The following IL12RB1 variants were observed in gnomAD, a reference collection of about 807,000 sequenced individuals.
IL12RB1 encodes interleukin-12 receptor subunit beta-1.
In IL12RB1, 64 loss-of-function variants were observed where a neutral mutation model predicts 94.4. That is an observed-to-expected ratio of 0.68 (90% CI 0.55 to 0.83). IL12RB1 has a LOEUF of 0.83. Ranked by LOEUF, IL12RB1 falls within the 40% of genes least tolerant of loss-of-function variation. The pLI is 0.00. For synonymous variants in IL12RB1, 362 were observed against 355.5 expected (o/e 1.02, Z -0.21); for missense variants, 814 against 855.6 (o/e 0.95, Z 0.61).
rs568557848 is a variant in IL12RB1, at chr19:18,098,197, T to TGAGTTCATATGTATTAATAC, written c.-230+538_-230+557dup. 1.3e-4 allele frequency among the ~76,000 whole-genome samples: 20 copies of TGAGTTCATATGTATTAATAC among 152,278 alleles called. No individual in the cohort carries two copies. The East Asian group carries it at 1.9e-3, about 15-fold the overall frequency. On this transcript the variant is annotated intron_variant, in intron 1 of 4. Transcript: ENST00000594176. ...TCCTATTACTAGCGATGTATTAATATGAGTTCATATGTATTAATACCTCCT... is the reference window on the plus strand; with the variant it reads ...TCCTATTACTAGCGATGTATTAATATGAGTTCATATGTATTAATACGAGTTCATATGTATTAATACCTCCT...
chr19:18,069,508 C>A, intron 10 of IL12RB1, 38 bp downstream of exon 10: 2 of 1,558,966 alleles, frequency 1.3e-6, no homozygotes, highest in Non-Finnish European at 1.7e-6. Context: ...AGGGAGGGCA[C>A]AGAGGAGGGG....
chr19:18,095,065 G>A (rs1479712616), intron 1 of IL12RB1, among the ~76,000 whole-genome samples: 21 of 151,904 alleles, frequency 1.4e-4, no homozygotes. Flanking sequence ...TGTAATCCCA[G>A]CTACTCAGGA....
At chr19:18,064,047 C>A in intron 12 of IL12RB1, 37 bp from the exon 13 acceptor site, 1 of 1,558,988 alleles carries the variant, frequency 6.4e-7, no homozygotes, top group Middle Eastern at 1.8e-4. Context: ...CCTGGGACCT[C>A]TTTACTCCTC....
At chr19:18,076,591 A>G (rs1241430164) in intron 5 of IL12RB1, among the ~76,000 whole-genome samples, 1 of 152,008 alleles carries the variant, frequency 6.6e-6, no homozygotes, top group African/African-American at 2.4e-5. Flanking sequence ...TTTGGTAGAG[A>G]CGGGATTTCA....
At chr19:18,066,037 A>G (rs2034554973) in intron 12 of IL12RB1, among the ~76,000 whole-genome samples, 1 of 140,528 alleles carries the variant, frequency 7.1e-6, no homozygotes, top group Admixed American at 6.8e-5. Flanking sequence ...GTCCCTGTCT[A>G]TAAAATTAAA....
intron 1 of IL12RB1, among the ~76,000 whole-genome samples, chr19:18,098,520 G>A (rs557180610): frequency 2.0e-5 from 3 of 152,128 alleles, no homozygotes; most frequent in Non-Finnish European, 4.4e-5. Context: ...TTAGGAGGCT[G>A]TGTCATCAGG....
At chr19:18,093,796 CTT>C (rs760979955) in intron 1 of IL12RB1, among the ~76,000 whole-genome samples, 4 of 152,152 alleles carry the variant, frequency 2.6e-5, no homozygotes, top group Admixed American at 6.6e-5. Context: ...CTTCTCATCA[CTT>C]GGGGTGTGCA....
At chr19:18,072,946 CAAAA>C (rs11336251) in intron 8 of IL12RB1, among the ~76,000 whole-genome samples, 14,447 of 74,806 alleles carry the variant, frequency 0.19, 766 homozygotes, top group East Asian at 0.4. Context: ...GACTCCATCT[CAAAA>C]AAAAAAAAAA....
intron 2 of IL12RB1, 27 bp downstream of exon 2, chr19:18,083,405 A>G (rs778030421): frequency 1.9e-6 from 3 of 1,609,482 alleles, no homozygotes; most frequent in Non-Finnish European, 2.6e-6. Flanking sequence ...CATAATCCTC[A>G]GCCAACAATG....
Position 18,086,877 on chromosome 19 carries a change from G to A in IL12RB1, c.-54C>T. 2 of 1,586,398 alleles carry A rather than the reference G, an allele frequency of 1.3e-6. No individual in the cohort carries two copies. Among genetic ancestry groups the A allele is most frequent in the South Asian group, 2.3e-5 (2 of 87,996 alleles). On this transcript the variant is annotated 5_prime_UTR_variant, in exon 1 of 17. Transcript: ENST00000593993. ...GGGGAGCCTCTCTGCCACCTGCGAG[G>A]TTCAGCCACCCCGTCCCCACTCCGG...
chr19:18,096,044 C>A (rs1298120745), intron 1 of IL12RB1, among the ~76,000 whole-genome samples: 1 of 151,508 alleles, frequency 6.6e-6, no homozygotes. Context: ...GGAAACATGG[C>A]GGTACTCCAT....
At chr19:18,081,030 G>C (rs775586528) in intron 3 of IL12RB1, 29 bp from the exon 4 acceptor site, 1 of 1,602,974 alleles carries the variant, frequency 6.2e-7, no homozygotes, top group South Asian at 1.1e-5. Flanking sequence ...TGTCAGTGCC[G>C]AGTCTGGGGT....
chr19:18,067,551 C>A (rs2034681702), intron 11 of IL12RB1, among the ~76,000 whole-genome samples: 1 of 152,086 alleles, frequency 6.6e-6, no homozygotes, highest in Non-Finnish European at 1.5e-5. Flanking sequence ...CACCTGTAAT[C>A]CCGGCACTTT....
intron 11 of IL12RB1, among the ~76,000 whole-genome samples, chr19:18,067,986 G>T (rs1028628301): frequency 9.4e-5 from 14 of 148,422 alleles, no homozygotes; most frequent in Admixed American, 6.7e-5. Context: ...TTACAGGGGT[G>T]AGCCATTCTG....
At chr19:18,075,595 C>T (rs1304312842) in intron 7 of IL12RB1, among the ~76,000 whole-genome samples, 154 bp downstream of exon 7, 1 of 152,108 alleles carries the variant, frequency 6.6e-6, no homozygotes, top group East Asian at 1.9e-4. Context: ...TGGGGTCTCA[C>T]TATGTTGCCC....
intron 1 of IL12RB1, among the ~76,000 whole-genome samples, chr19:18,093,045 C>G (rs761872438): frequency 3.9e-5 from 6 of 151,910 alleles, no homozygotes; most frequent in Admixed American, 6.6e-5. Context: ...TGGCTCATGC[C>G]TGTAATCCTA....
intron 1 of IL12RB1, among the ~76,000 whole-genome samples, chr19:18,096,420 T>A (rs1195514677): frequency 1.3e-5 from 2 of 152,058 alleles, no homozygotes; most frequent in East Asian, 3.8e-4. Flanking sequence ...AACTGACAAC[T>A]GCAGCGGCTA....
chr19:18,081,956 C>T (rs369975892), intron 3 of IL12RB1, among the ~76,000 whole-genome samples, 194 bp downstream of exon 3: 1 of 152,010 alleles, frequency 6.6e-6, no homozygotes, highest in East Asian at 1.9e-4. Context: ...GGCCACCCAC[C>T]CTGGGATGCC....
intron 7 of IL12RB1, among the ~76,000 whole-genome samples, chr19:18,074,380 TACACCCTGCCACCTGCAGGTG>T (rs1326740024): frequency 6.6e-6 from 1 of 152,132 alleles, no homozygotes; most frequent in Non-Finnish European, 1.5e-5. Context: ...AGCTGTTTAG[TACACCCTGCCACCTGCAGGTG>T]ACATTGTCCT....
Sources: gnomAD v4.1 joint callset for allele counts (sites outside exome capture counted in the v4.1 genomes callset) on GRCh38, gnomAD v4.1.1 for gene constraint, MANE v1.5 for transcripts, NCBI Gene and HGNC (gene_info 2026-07-23, HGNC 2026-07-21) for gene names.